The following ITFG1 variants were observed in gnomAD, a reference collection of about 807,000 sequenced individuals.
The protein encoded by ITFG1 is integrin alpha FG-GAP repeat containing 1.
ITFG1 carries 34 observed loss-of-function variants against 81.8 expected under a neutral mutation model. The observed-to-expected ratio is 0.42, with a 90% CI of 0.32 to 0.55. The LOEUF (loss-of-function observed/expected upper bound fraction) is 0.55. Among genes scored for constraint, ITFG1 ranks in the 20% least tolerant of loss-of-function variants. The probability of loss-of-function intolerance (pLI) is 0.17; values close to 1 mark genes in which losing one functional copy is unlikely to be tolerated. For missense variants in ITFG1, 672 were observed against 755.4 expected (o/e 0.89, Z 1.29); for synonymous variants, 285 against 270.6 (o/e 1.05, Z -0.52).
In ITFG1 at chr16:47,375,483, C is replaced by T. The variant is rs1968311694; in HGVS notation, c.720+393G>A. 1.3e-5 allele frequency among the ~76,000 whole-genome samples: 2 copies of T among 150,868 alleles called. 1 individual carries two copies. The highest frequency in any genetic ancestry group is 4.2e-4 in the South Asian group (2 of 4,796). On this transcript the variant is annotated intron_variant, in intron 7 of 17. Transcript: ENST00000320640. ...TGGCAGTAAGTTTGGTGTTTGTTGT[C>T]TTATTTCTTTATATAAGCCTAAAGG...
At chr16:47,253,943 A>G (rs1203551998) in intron 12 of ITFG1, among the ~76,000 whole-genome samples, 1 of 152,100 alleles carries the variant, frequency 6.6e-6, no homozygotes, top group Non-Finnish European at 1.5e-5. Context: ...AAACTAGAGT[A>G]ATTTTATTGG....
At chr16:47,184,262 C>T in intron 14 of ITFG1, among the ~76,000 whole-genome samples, 1 of 152,050 alleles carries the variant, frequency 6.6e-6, no homozygotes, top group Admixed American at 6.6e-5. Context: ...CATTCAGGTT[C>T]AGGAAATACA....
chr16:47,227,691 TC>T (rs1021549134), intron 13 of ITFG1, among the ~76,000 whole-genome samples: 3 of 152,152 alleles, frequency 2.0e-5, no homozygotes, highest in African/African-American at 7.2e-5. Context: ...GGTCTTGGGC[TC>T]CTATAGTGGA....
At chr16:47,264,468 T>C (rs1386863003) in intron 10 of ITFG1, among the ~76,000 whole-genome samples, 4 of 151,930 alleles carry the variant, frequency 2.6e-5, no homozygotes, top group Admixed American at 6.6e-5. Flanking sequence ...CCAATGGTTA[T>C]TCCATTATAT....
chr16:47,395,732 A>T (rs1230921593), intron 6 of ITFG1, among the ~76,000 whole-genome samples: 1 of 152,234 alleles, frequency 6.6e-6, no homozygotes, highest in African/African-American at 2.4e-5. Flanking sequence ...CCGGCACCAT[A>T]TACTGTTTTT....
In ITFG1 at chr16:47,237,983, G is replaced by C; in HGVS notation, c.1356C>G (p.Asp452Glu). Residue 452 changes from aspartate to glutamate, a missense_variant, in exon 13 of 18, where the codon GAC becomes GAG. By Grantham distance (45) the Asp-to-Glu change is conservative (BLOSUM62 2). This residue lies in a region of ITFG1 where 560 missense variants were observed against 625.7 expected (regional missense o/e 0.90). Coordinates refer to ENST00000320640, the MANE Select transcript of ITFG1 (RefSeq NM_030790.5). ...TACTTACTGTTATCTTACGAGGACA[G>C]TCATTAGAACACAGACCACTAAGAA... Reference protein sequence around the residue: ...VIVLSGLCSNDCPRKITPFGV... With the variant: ...VIVLSGLCSNECPRKITPFGV... The C allele has an allele frequency of 6.8e-7, 1 of 1,461,988 alleles. No individual in the cohort carries two copies. The highest frequency in any genetic ancestry group is 9.3e-7 in the Non-Finnish European group (1 of 1,072,254). The allele number at this position is 1,461,988 out of a possible 1,614,324, so 90.6% of individuals were successfully genotyped here. A position where few individuals can be genotyped will look rare whatever the true frequency, so the allele number is the denominator to read the frequency against.
chr16:47,419,533 A>C (rs1386618162), intron 6 of ITFG1, among the ~76,000 whole-genome samples: 1 of 151,752 alleles, frequency 6.6e-6, no homozygotes, highest in Admixed American at 6.6e-5. Context: ...TGGACTCTCA[A>C]ACTGCTGGGA....
Position 47,460,807 on chromosome 16 carries a change from C to T in ITFG1, c.208+31G>A, listed in dbSNP as rs369227674. On this transcript the variant is annotated intron_variant, in intron 1 of 17. Transcript: ENST00000320640. ...AACACCGGGAGAGGCACACGGACAG[C>T]GAACAGAGGGAGGGCCCGGCAAGCA... 19 of 1,607,616 alleles carry T rather than the reference C, an allele frequency of 1.2e-5. No individual in the cohort carries two copies. The Admixed American group carries it at 3.2e-4, about 27-fold the overall frequency.
chr16:47,423,868 C>T (rs1968984191), intron 6 of ITFG1, among the ~76,000 whole-genome samples: 1 of 152,122 alleles, frequency 6.6e-6, no homozygotes, highest in Non-Finnish European at 1.5e-5. Context: ...ACATTTTTTC[C>T]TTCATTTCAA....
chr16:47,160,056 T>C (rs1455901162), intron 16 of ITFG1, among the ~76,000 whole-genome samples: 1 of 151,996 alleles, frequency 6.6e-6, no homozygotes, highest in Non-Finnish European at 1.5e-5. Flanking sequence ...AGAAAACAAA[T>C]ACTGTTAATT....
At chr16:47,444,996 C>G (rs970302962) in intron 5 of ITFG1, among the ~76,000 whole-genome samples, 3 of 150,944 alleles carry the variant, frequency 2.0e-5, no homozygotes, top group Non-Finnish European at 2.9e-5. Flanking sequence ...GTCATTAAAA[C>G]AAAAACTGTC....
intron 14 of ITFG1, among the ~76,000 whole-genome samples, chr16:47,199,846 G>C (rs924620984): frequency 1.3e-5 from 2 of 152,186 alleles, no homozygotes; most frequent in African/African-American, 2.4e-5. Flanking sequence ...GGTCCCATCT[G>C]GGGGAGACAG....
At chr16:47,316,266 A>G (rs910205741) in intron 8 of ITFG1, among the ~76,000 whole-genome samples, 11 of 152,172 alleles carry the variant, frequency 7.2e-5, no homozygotes, top group African/African-American at 2.4e-4. Flanking sequence ...TTTATACTTA[A>G]AGTTGCAATA....
At chr16:47,342,255 C>T (rs971045653) in intron 8 of ITFG1, among the ~76,000 whole-genome samples, 4 of 151,832 alleles carry the variant, frequency 2.6e-5, no homozygotes, top group African/African-American at 4.8e-5. Context: ...AGTAATGGAA[C>T]GAAGGAAAAA....
intron 14 of ITFG1, among the ~76,000 whole-genome samples, chr16:47,169,407 A>T (rs1468764436): frequency 6.6e-6 from 1 of 151,772 alleles, no homozygotes; most frequent in Non-Finnish European, 1.5e-5. Context: ...AAATCTTTCA[A>T]TTTTTTGGTT....
intron 8 of ITFG1, among the ~76,000 whole-genome samples, chr16:47,335,318 A>G (rs894159025): frequency 6.6e-6 from 1 of 152,252 alleles, no homozygotes; most frequent in East Asian, 1.9e-4. Context: ...GATCATGCCC[A>G]TTGCACTCCA....
intron 10 of ITFG1, among the ~76,000 whole-genome samples, chr16:47,280,987 CTTCT>C (rs1966445908): frequency 6.6e-6 from 1 of 152,134 alleles, no homozygotes; most frequent in African/African-American, 2.4e-5. Flanking sequence ...TGTTCACTTG[CTTCT>C]TTTAGAATAA....
chr16:47,375,108 G>A (rs1344603661), intron 7 of ITFG1, among the ~76,000 whole-genome samples: 3 of 152,204 alleles, frequency 2.0e-5, no homozygotes, highest in African/African-American at 4.8e-5. Context: ...CCTACTGCAT[G>A]TCAGGCATGT....
At chr16:47,170,082 T>C (rs1964938596) in intron 14 of ITFG1, among the ~76,000 whole-genome samples, 1 of 152,238 alleles carries the variant, frequency 6.6e-6, no homozygotes, top group South Asian at 2.1e-4. Context: ...CTGGATTTGC[T>C]TGGTAGTATT....
Sources: gnomAD v4.1 joint callset for allele counts (sites outside exome capture counted in the v4.1 genomes callset) on GRCh38, gnomAD v4.1.1 for gene constraint, gnomAD v4.1.1 regional missense constraint, MANE v1.5 for transcripts, NCBI Gene and HGNC (gene_info 2026-07-23, HGNC 2026-07-21) for gene names.